Variants in ITGA9 observed in about 807,000 individuals in gnomAD.
The protein encoded by ITGA9 is integrin subunit alpha 9.
In ITGA9, 56 loss-of-function variants were observed where a neutral mutation model predicts 127.8. That is an observed-to-expected ratio of 0.44 (90% CI 0.35 to 0.55). The LOEUF (loss-of-function observed/expected upper bound fraction) is 0.55. Among genes scored for constraint, ITGA9 ranks in the 20% least tolerant of loss-of-function variants. The pLI is 0.00. For missense variants in ITGA9, 1,196 were observed against 1,347.1 expected (o/e 0.89, Z 1.76); for synonymous variants, 508 against 514.5 (o/e 0.99, Z 0.17).
At chr3:37,537,833 C>T (rs985880758) in intron 14 of ITGA9, among the ~76,000 whole-genome samples, 8 of 152,232 alleles carry the variant, frequency 5.3e-5, no homozygotes, top group South Asian at 2.1e-4. Flanking sequence ...AGGTTTACAA[C>T]GTATTTCATA....
intron 15 of ITGA9, among the ~76,000 whole-genome samples, chr3:37,618,772 T>C (rs1700100013): frequency 6.6e-6 from 1 of 152,216 alleles, no homozygotes; most frequent in African/African-American, 2.4e-5. Context: ...AGGCACGGGA[T>C]ATAATCTCCT....
chr3:37,653,779 G>A lies in ITGA9; in HGVS notation c.1905G>A (p.Leu635=), dbSNP rs774443943. 1 of 1,612,968 alleles carries A rather than the reference G, an allele frequency of 6.2e-7. No individual in the cohort carries two copies. Among genetic ancestry groups the A allele is most frequent in the South Asian group, 1.1e-5 (1 of 91,062 alleles). ...CAADLQLQGK[L]LLSSMDEKTL... ...CAGACCTGCAGCTTCAGGGTAAACT[G>A]CTGCTCTCCAGGTATGTCGGTGTTT... The change falls in exon 17 of 28, where the codon CTG becomes CTA. Residue 635 remains leucine, a synonymous_variant. Transcript: ENST00000264741.
intron 26 of ITGA9, among the ~76,000 whole-genome samples, chr3:37,801,681 A>C (rs1697236798): frequency 6.6e-6 from 1 of 151,928 alleles, no homozygotes; most frequent in Non-Finnish European, 1.5e-5. Flanking sequence ...GCACAACCTC[A>C]AAAAAAACTC....
chr3:37,537,254 G>A (rs1341648196), intron 14 of ITGA9, among the ~76,000 whole-genome samples: 1 of 152,192 alleles, frequency 6.6e-6, no homozygotes, highest in Non-Finnish European at 1.5e-5. Context: ...ATTAACTGCT[G>A]TTGGGGCCAG....
chr3:37,755,110 A>G (rs1048314078), intron 23 of ITGA9, among the ~76,000 whole-genome samples: 1 of 152,210 alleles, frequency 6.6e-6, no homozygotes, highest in Admixed American at 6.5e-5. Flanking sequence ...AGGCTTTAGT[A>G]GCCTTTTTCA....
intron 22 of ITGA9, among the ~76,000 whole-genome samples, chr3:37,750,183 G>A (rs1387014179): frequency 2.6e-5 from 4 of 152,170 alleles, no homozygotes; most frequent in Non-Finnish European, 5.9e-5. Flanking sequence ...TCCTATGCAT[G>A]TAAAAAGAAA....
At chr3:37,545,377 T>C (rs184641433) in intron 15 of ITGA9, among the ~76,000 whole-genome samples, 3 of 152,326 alleles carry the variant, frequency 2.0e-5, no homozygotes, top group Admixed American at 6.5e-5. Context: ...TCTTTTTTTT[T>C]CTCCCTCTCC....
At chr3:37,713,449 T>A (rs1701100087) in intron 18 of ITGA9, among the ~76,000 whole-genome samples, 3 of 152,026 alleles carry the variant, frequency 2.0e-5, no homozygotes, top group Admixed American at 2.0e-4. Context: ...ACTGATGCTG[T>A]CTCCAGATGC....
chr3:37,800,463 C>T (rs1178965783), intron 26 of ITGA9, among the ~76,000 whole-genome samples: 3 of 152,218 alleles, frequency 2.0e-5, no homozygotes, highest in Non-Finnish European at 4.4e-5. Context: ...TCCATCTTTC[C>T]TAACAGTTCC....
At chr3:37,525,308 T>G (rs527853420) in intron 12 of ITGA9, among the ~76,000 whole-genome samples, 6 of 152,366 alleles carry the variant, frequency 3.9e-5, no homozygotes, top group African/African-American at 1.4e-4. Flanking sequence ...ATATATTTAA[T>G]AAATATTTAC....
chr3:37,785,442 C>T (rs767839391), intron 26 of ITGA9, among the ~76,000 whole-genome samples: 6 of 152,128 alleles, frequency 3.9e-5, no homozygotes, highest in East Asian at 3.8e-4. Flanking sequence ...CTGCCTTACC[C>T]GTCACATTAC....
At chr3:37,622,044 A>C (rs1021676621) in intron 15 of ITGA9, among the ~76,000 whole-genome samples, 2 of 152,018 alleles carry the variant, frequency 1.3e-5, no homozygotes, top group African/African-American at 4.8e-5. Flanking sequence ...GTCTTAGAAG[A>C]CTGTTGTAGT....
chr3:37,512,131 T>TCC (rs1258308200), intron 8 of ITGA9, among the ~76,000 whole-genome samples: 175 of 10,902 alleles, frequency 0.016, 9 homozygotes, highest in African/African-American at 0.031. Context: ...TTTCTTTTCT[T>TCC]TTCTTTTCTT....
At chr3:37,585,156 G>A (rs1035430430) in intron 15 of ITGA9, among the ~76,000 whole-genome samples, 1 of 152,120 alleles carries the variant, frequency 6.6e-6, no homozygotes, top group Non-Finnish European at 1.5e-5. Context: ...TTTGCCACAG[G>A]GGTCTCTTTT....
At chr3:37,521,285 A>G (rs1273660525) in intron 11 of ITGA9, among the ~76,000 whole-genome samples, 1 of 152,212 alleles carries the variant, frequency 6.6e-6, no homozygotes, top group Non-Finnish European at 1.5e-5. Flanking sequence ...AGAGGAAGGA[A>G]TCAGAAACAA....
chr3:37,470,978 T>G, intron 1 of ITGA9, 29 bp from the exon 2 acceptor site: 1 of 1,613,736 alleles, frequency 6.2e-7, no homozygotes, highest in South Asian at 1.1e-5. Context: ...TCGTAGGTTG[T>G]GACAGAATGC....
intron 27 of ITGA9, among the ~76,000 whole-genome samples, chr3:37,813,504 A>G (rs1697393320): frequency 6.6e-6 from 1 of 152,208 alleles, no homozygotes; most frequent in Non-Finnish European, 1.5e-5. Context: ...CCTGATTGAC[A>G]TTCTATTAGA....
At chr3:37,748,146 A>C in intron 22 of ITGA9, 1 of 489,766 alleles carries the variant, frequency 2.0e-6, no homozygotes, top group East Asian at 5.5e-5. Context: ...AAGGCACCTG[A>C]TATATGTTCT....
chr3:37,774,655 A>G (rs1198653312), intron 23 of ITGA9, among the ~76,000 whole-genome samples: 1 of 152,060 alleles, frequency 6.6e-6, no homozygotes, highest in Non-Finnish European at 1.5e-5. Context: ...TGAGCCCAGG[A>G]GGTTGAAGCT....
Sources: gnomAD v4.1 joint callset for allele counts (sites outside exome capture counted in the v4.1 genomes callset) on GRCh38, gnomAD v4.1.1 for gene constraint, MANE v1.5 for transcripts, NCBI Gene and HGNC (gene_info 2026-07-23, HGNC 2026-07-21) for gene names.